TRPC7: variants seen among roughly 807,000 people sequenced by gnomAD.
TRPC7 encodes transient receptor potential cation channel subfamily C member 7.
Under a neutral mutation model 90.1 loss-of-function variants are expected in TRPC7, and 42 were observed. That is an observed-to-expected ratio of 0.47 (90% CI 0.36 to 0.60). TRPC7 has a LOEUF of 0.60. Among genes scored for constraint, TRPC7 ranks in the 20% least tolerant of loss-of-function variants. The pLI is 0.00. For synonymous variants in TRPC7, 451 were observed against 436.3 expected (o/e 1.03, Z -0.42); for missense variants, 955 against 1,112.3 (o/e 0.86, Z 2.01).
At chr5:136,289,643 G>C (rs979367348) in intron 3 of TRPC7, among the ~76,000 whole-genome samples, 1 of 152,228 alleles carries the variant, frequency 6.6e-6, no homozygotes, top group African/African-American at 2.4e-5. Flanking sequence ...CAAAGCGGCC[G>C]GGAAGCTCGA....
intron 2 of TRPC7, among the ~76,000 whole-genome samples, chr5:136,340,779 A>G (rs965131406): frequency 3.9e-5 from 6 of 152,198 alleles, no homozygotes; most frequent in Non-Finnish European, 8.8e-5. Context: ...TTTTCATAAA[A>G]TACAGTAAAA....
intron 2 of TRPC7, among the ~76,000 whole-genome samples, chr5:136,339,159 A>C (rs542497353): frequency 6.6e-6 from 1 of 152,350 alleles, no homozygotes; most frequent in South Asian, 2.1e-4. Context: ...ATTATGTTCC[A>C]TCTTGCTACT....
At chr5:136,338,831 G>A (rs890631730) in intron 2 of TRPC7, among the ~76,000 whole-genome samples, 5 of 152,052 alleles carry the variant, frequency 3.3e-5, no homozygotes, top group East Asian at 3.9e-4. Flanking sequence ...CTCATGGGCT[G>A]TTGGGAGAAA....
At chr5:136,273,840 C>T (rs927432315) in intron 4 of TRPC7, among the ~76,000 whole-genome samples, 15 of 152,166 alleles carry the variant, frequency 9.9e-5, no homozygotes, top group Non-Finnish European at 2.2e-4. Context: ...TTCAAAATTT[C>T]TGCATGGTTT....
intron 3 of TRPC7, among the ~76,000 whole-genome samples, chr5:136,307,191 T>G (rs991031268): frequency 6.6e-6 from 1 of 152,244 alleles, no homozygotes; most frequent in African/African-American, 2.4e-5. Flanking sequence ...ATAATACATT[T>G]TTATTTATTA....
chr5:136,263,764 CAT>C (rs1481444048), intron 5 of TRPC7, among the ~76,000 whole-genome samples: 1 of 152,116 alleles, frequency 6.6e-6, no homozygotes, highest in African/African-American at 2.4e-5. Context: ...AGGAAAAAGA[CAT>C]GTTACATTTC....
In TRPC7 at chr5:136,213,572, T is replaced by A; in HGVS notation, c.2452A>T (p.Ser818Cys). Residue 818 changes from serine to cysteine, a missense_variant, in exon 12 of 12, where the codon AGC becomes TGC. Around this residue, in one of 4 missense-constraint regions of TRPC7, gnomAD observed 296 missense variants for 422.7 expected, o/e 0.70. Transcript: ENST00000513104. ...TCCTCAAGAAGCTCATAGCGCAGGC[T>A]GGAGATATCTTGCTTGATTTCCTTC... Reference protein sequence around the residue: ...ELKEIKQDISSLRYELLEEKS... With the variant: ...ELKEIKQDISCLRYELLEEKS... The A allele has an allele frequency of 6.2e-7, 1 of 1,614,018 alleles. No individual in the cohort carries two copies. The highest frequency in any genetic ancestry group is 2.2e-5 in the East Asian group (1 of 44,880).
chr5:136,365,189 T>C, intron 1 of TRPC7, 64 bp downstream of exon 1: 2 of 1,513,696 alleles, frequency 1.3e-6, no homozygotes, highest in South Asian at 2.4e-5. Flanking sequence ...TTACATATTT[T>C]AGCGAGAACA....
chr5:136,300,769 T>G (rs1758351528), intron 3 of TRPC7, among the ~76,000 whole-genome samples: 1 of 152,158 alleles, frequency 6.6e-6, no homozygotes, highest in Admixed American at 6.5e-5. Flanking sequence ...CAAGGGGCAG[T>G]TACAGGTACT....
chr5:136,362,891 C>A (rs1290177336), intron 1 of TRPC7, among the ~76,000 whole-genome samples: 5 of 152,258 alleles, frequency 3.3e-5, no homozygotes, highest in African/African-American at 9.6e-5. Flanking sequence ...TGATGCCTTG[C>A]ATATGGTGCT....
intron 10 of TRPC7, chr5:136,222,169 C>T (rs967543926): frequency 1.3e-5 from 2 of 151,614 alleles, no homozygotes; most frequent in African/African-American, 4.8e-5. Flanking sequence ...AAAAAAAACA[C>T]AGAAAGCCTC....
rs1292047728 is a variant in TRPC7, at chr5:136,357,276, T to C, written c.112A>G (p.Thr38Ala). The change falls in exon 2 of 12, where the codon ACC becomes GCC. Residue 38 changes from threonine to alanine, a missense_variant. Thr to Ala is a moderately conservative substitution (Grantham distance 58, BLOSUM62 0). Around this residue, in one of 4 missense-constraint regions of TRPC7, gnomAD observed 161 missense variants for 145.7 expected, o/e 1.10. Coordinates refer to ENST00000513104, the MANE Select transcript of TRPC7 (RefSeq NM_020389.3). ...GPAYMFNEKG[T>A]SLTPEEERFL... Reference sequence around the variant, plus strand: ...CGCTCCTCCTCGGGCGTCAGACTGGTGCCCTTCTCGTTGAACATGTAGGCG... The same window carrying C: ...CGCTCCTCCTCGGGCGTCAGACTGGCGCCCTTCTCGTTGAACATGTAGGCG... 3.1e-6 allele frequency: 5 copies of C among 1,613,044 alleles called. No homozygotes were observed. The highest frequency in any genetic ancestry group is 4.2e-6 in the Non-Finnish European group (5 of 1,179,900).
At chr5:136,258,000 C>G (rs1311385539) in intron 5 of TRPC7, among the ~76,000 whole-genome samples, 2 of 152,034 alleles carry the variant, frequency 1.3e-5, no homozygotes, top group Middle Eastern at 3.2e-3. Flanking sequence ...TGGCTAAGTC[C>G]CTTGATTTGC....
At chr5:136,358,103 C>T (rs1768357005) in intron 1 of TRPC7, among the ~76,000 whole-genome samples, 1 of 152,228 alleles carries the variant, frequency 6.6e-6, no homozygotes, top group Non-Finnish European at 1.5e-5. Context: ...GGTCCACACA[C>T]AACCTAGGCA....
At chr5:136,224,460 C>T (rs2149794486) in intron 10 of TRPC7, among the ~76,000 whole-genome samples, 1 of 152,312 alleles carries the variant, frequency 6.6e-6, no homozygotes, top group East Asian at 1.9e-4. Context: ...CTGCTTAAGA[C>T]AGAAACCTGT....
At chr5:136,254,661 A>T (rs1268882147) in intron 5 of TRPC7, among the ~76,000 whole-genome samples, 1 of 152,356 alleles carries the variant, frequency 6.6e-6, no homozygotes, top group Middle Eastern at 3.4e-3. Flanking sequence ...CATTGTTCTC[A>T]TGCCTGTTAA....
At chr5:136,304,337 T>C (rs940294042) in intron 3 of TRPC7, among the ~76,000 whole-genome samples, 1 of 152,176 alleles carries the variant, frequency 6.6e-6, no homozygotes. Context: ...GATTAAAGCC[T>C]GTTATCACTC....
At position 136,216,258 on chromosome 5, in the gene TRPC7, G is replaced by A. The variant is rs1755263535; in HGVS notation, c.2361C>T (p.Leu787=). 1 of 1,612,950 alleles carries A rather than the reference G, an allele frequency of 6.2e-7. No homozygotes were observed. Among genetic ancestry groups the A allele is most frequent in the Non-Finnish European group, 8.5e-7 (1 of 1,179,560 alleles). The change falls in exon 11 of 12, where the codon CTC becomes CTT. Residue 787 remains leucine (L), a synonymous_variant. Transcript: ENST00000513104. ...PTRYQKIMKR[L]IKRYVLKAQV... ...GGGCTTTCAGGACGTATCTTTTTATGAGCCGTTTCATGATTTTCTGAAATG... is the reference window on the plus strand; with the variant it reads ...GGGCTTTCAGGACGTATCTTTTTATAAGCCGTTTCATGATTTTCTGAAATG...
chr5:136,227,629 C>T (rs926388752), intron 8 of TRPC7, among the ~76,000 whole-genome samples: 8 of 152,164 alleles, frequency 5.3e-5, no homozygotes, highest in African/African-American at 1.4e-4. Context: ...GAGGGCAGGG[C>T]TTACTCCTGG....
Sources: allele counts gnomAD v4.1 joint callset (sites outside exome capture counted in the v4.1 genomes callset), GRCh38; gene constraint gnomAD v4.1.1; regional missense constraint gnomAD v4.1.1; transcripts MANE v1.5; gene names NCBI Gene and HGNC (gene_info 2026-07-23, HGNC 2026-07-21).